Variants in DIPK2B observed in about 807,000 individuals in gnomAD.
The protein encoded by DIPK2B is UPF0672 protein CXorf36.
Under a neutral mutation model 22.2 loss-of-function variants are expected in DIPK2B, and 15 were observed. The observed-to-expected ratio is 0.68, with a 90% CI of 0.45 to 1.04. The LOEUF (loss-of-function observed/expected upper bound fraction) is 1.04, where lower values mean the gene tolerates loss of function less well. DIPK2B is among the 50% of genes least tolerant of loss of function. The pLI, the probability that DIPK2B is intolerant of heterozygous loss-of-function variation, is 0.00. For synonymous variants in DIPK2B, 163 were observed against 153.2 expected (o/e 1.06, Z -0.47); for missense variants, 345 against 348.3 (o/e 0.99, Z 0.08).
At position 45,200,833 on chromosome X, in the gene DIPK2B, C is replaced by T. The variant is rs745446987; in HGVS notation, c.-7G>A. On this transcript the variant is annotated 5_prime_UTR_variant, in exon 1 of 5. Coordinates refer to ENST00000398000, the MANE Select transcript of DIPK2B (RefSeq NM_176819.4). ...GCCCCAGCTGGGGCTCCATCTTGGG[C>T]TCTGGGCTCCAGCTGCAGCCTCTGG... The T allele has an allele frequency of 1.7e-6, 2 of 1,161,222 alleles. No individual in the cohort carries two copies. Among genetic ancestry groups the T allele is most frequent in the East Asian group, 6.3e-5 (2 of 31,572 alleles).
intron 1 of DIPK2B, among the ~76,000 whole-genome samples, chrX:45,197,323 C>A (rs1257655155): frequency 9.1e-6 from 1 of 110,460 alleles, no homozygotes; most frequent in Non-Finnish European, 1.9e-5. Context: ...CTGCAGCCTC[C>A]GCCTCCCGGG....
At chrX:45,175,683 T>G (rs1378555847) in intron 2 of DIPK2B, among the ~76,000 whole-genome samples, 2 of 101,012 alleles carry the variant, frequency 2.0e-5, no homozygotes, top group Non-Finnish European at 4.0e-5. Context: ...ATTGTAAAAA[T>G]GTATAAAGTA....
chrX:45,187,985 A>G (rs2047192860), intron 2 of DIPK2B, among the ~76,000 whole-genome samples: 1 of 111,430 alleles, frequency 9.0e-6, no homozygotes, highest in African/African-American at 3.3e-5. Flanking sequence ...CTTCAGTCAC[A>G]CACAGAGAGA....
At chrX:45,193,596 T>C (rs1012304618) in intron 1 of DIPK2B, among the ~76,000 whole-genome samples, 2 of 111,942 alleles carry the variant, frequency 1.8e-5, no homozygotes. Context: ...AGTTATGCAC[T>C]AGAGCTCCAG....
At chrX:45,156,444 C>A (rs768229729) in intron 3 of DIPK2B, among the ~76,000 whole-genome samples, 9 of 112,190 alleles carry the variant, frequency 8.0e-5, no homozygotes, top group Admixed American at 4.7e-4. Context: ...AAGAGCCAGG[C>A]CTAAAAGTAG....
intron 2 of DIPK2B, among the ~76,000 whole-genome samples, chrX:45,173,677 C>T (rs904807866): frequency 5.6e-5 from 6 of 106,640 alleles, no homozygotes; most frequent in African/African-American, 2.1e-4. Flanking sequence ...TCAAATGATC[C>T]TCTCCCTCAG....
intron 2 of DIPK2B, among the ~76,000 whole-genome samples, chrX:45,189,216 A>G (rs1224619671): frequency 2.7e-5 from 3 of 112,425 alleles, no homozygotes; most frequent in Non-Finnish European, 5.6e-5. Flanking sequence ...TTGTTTGAAC[A>G]CTTGTTTTCA....
intron 2 of DIPK2B, chrX:45,164,392 T>A (rs5952697): frequency 0.25 from 155,541 of 629,321 alleles, 16,503 homozygotes; most frequent in African/African-American, 0.53. Flanking sequence ...CATGTTCCAG[T>A]TGGGAATAAG....
intron 2 of DIPK2B, among the ~76,000 whole-genome samples, chrX:45,166,228 A>G (rs1453823679): frequency 9.0e-6 from 1 of 111,576 alleles, no homozygotes; most frequent in Non-Finnish European, 1.9e-5. Context: ...GAAGCACCAG[A>G]TGCATGGTCG....
At chrX:45,184,399 G>C (rs1480892092) in intron 2 of DIPK2B, among the ~76,000 whole-genome samples, 1 of 111,898 alleles carries the variant, frequency 8.9e-6, no homozygotes, top group Non-Finnish European at 1.9e-5. Flanking sequence ...AAATATGTTA[G>C]AGTTCAAATT....
intron 2 of DIPK2B, among the ~76,000 whole-genome samples, chrX:45,191,068 G>A (rs1041071690): frequency 1.8e-5 from 2 of 112,371 alleles, no homozygotes; most frequent in African/African-American, 6.5e-5. Context: ...CTAGATATGT[G>A]TGGAGGGCCA....
intron 1 of DIPK2B, among the ~76,000 whole-genome samples, chrX:45,199,725 C>CTTA (rs1427693964): frequency 6.3e-5 from 7 of 110,939 alleles, no homozygotes; most frequent in African/African-American, 2.3e-4. Context: ...CAGACAAAGC[C>CTTA]TTATTATTAT....
In DIPK2B at chrX:45,151,569, G is replaced by A. The variant is rs2046961235; in HGVS notation, c.*83C>T. The stretch of plus-strand genomic sequence containing the variant: ...TTCTTCTCATCTTTAAAAAAGAGCT[G>A]CTTCTTTCTACCTTGCAGCAACCCG... On this transcript the variant is annotated 3_prime_UTR_variant, in exon 5 of 5. Transcript: ENST00000398000. The A allele has an allele frequency of 1.1e-6, 1 of 918,487 alleles. No individual in the cohort carries two copies. Among genetic ancestry groups the A allele is most frequent in the Non-Finnish European group, 1.5e-6 (1 of 657,873 alleles). The allele number at this position is 918,487 out of a possible 1,213,427, so 75.7% of individuals were successfully genotyped here.
intron 2 of DIPK2B, among the ~76,000 whole-genome samples, chrX:45,179,341 C>T (rs2047136249): frequency 9.0e-6 from 1 of 110,871 alleles, no homozygotes; most frequent in African/African-American, 3.3e-5. Context: ...TAAGGCATTA[C>T]AGTTAAAATT....
Position 45,151,453 on chromosome X carries a change from C to T in DIPK2B, c.*199G>A, listed in dbSNP as rs2046960634. 1 of 444,709 alleles carries T rather than the reference C, an allele frequency of 2.2e-6. No homozygotes were observed. The highest frequency in any genetic ancestry group is 3.8e-6 in the Non-Finnish European group (1 of 259,990). 36.6% of individuals were successfully genotyped at this position (444,709 alleles called of 1,213,427 possible). ...CCACACCCAGGTCTTCTGATGCCCA[C>T]CGCGGGCTTTGCCAGGACGTCCCAG... On this transcript the variant is annotated 3_prime_UTR_variant, in exon 5 of 5. Transcript: ENST00000398000.
intron 4 of DIPK2B, among the ~76,000 whole-genome samples, chrX:45,152,345 G>A (rs1331995353): frequency 7.8e-5 from 7 of 90,213 alleles, no homozygotes; most frequent in Non-Finnish European, 1.6e-4. Context: ...GTGACAGAGC[G>A]AAAAGCCATC....
rs920065617 is a variant in DIPK2B at position 45,185,417 on chromosome X, C to A, written c.498+6334G>T. 3.6e-5 allele frequency among the ~76,000 whole-genome samples: 4 copies of A among 110,991 alleles called. No homozygotes were observed. The Admixed American group carries it at 3.8e-4, about 11-fold the overall frequency. On this transcript the variant is annotated intron_variant, in intron 2 of 4. Coordinates refer to ENST00000398000, the MANE Select transcript of DIPK2B (RefSeq NM_176819.4). Reference sequence around the variant, plus strand: ...CTAAGTTTAGGGAAAGCTTAAAGCCCTGTAAAAGCAAAGCTTGCTTTGTAT... The same window carrying A: ...CTAAGTTTAGGGAAAGCTTAAAGCCATGTAAAAGCAAAGCTTGCTTTGTAT...
intron 2 of DIPK2B, among the ~76,000 whole-genome samples, chrX:45,188,911 C>T (rs1456915770): frequency 3.6e-5 from 4 of 111,943 alleles, no homozygotes; most frequent in African/African-American, 1.3e-4. Flanking sequence ...TAGTATGTAT[C>T]AGCACTTAAT....
Position 45,157,797 on chromosome X carries a change from ATGCTGCCGGCGT to A in DIPK2B, c.578_589del (p.Asp193_Ile197delinsVal). The A allele has an allele frequency of 2.5e-6, 3 of 1,187,593 alleles. No homozygotes were observed. The highest frequency in any genetic ancestry group is 3.4e-6 in the Non-Finnish European group (3 of 884,142). On this transcript the variant is annotated inframe_deletion, in exon 3 of 5. Transcript: ENST00000398000. ...ACGGTCGGTGAAGTGGTCCATGAAG[ATGCTGCCGGCGT>A]CGGCCACCTCTGCATAGCGCCTGAC... is the stretch of plus-strand genomic sequence containing the variant.
Sources: gnomAD v4.1 joint callset for allele counts (sites outside exome capture counted in the v4.1 genomes callset) on GRCh38, gnomAD v4.1.1 for gene constraint, MANE v1.5 for transcripts, NCBI Gene and HGNC (gene_info 2026-07-23, HGNC 2026-07-21) for gene names.